CPNE5: variants seen among roughly 807,000 people sequenced by gnomAD.
The protein encoded by CPNE5 is copine-5.
A neutral mutation model predicts 81.1 loss-of-function variants in CPNE5; 42 were observed. The ratio of observed to expected loss-of-function variants is 0.52; its 90% confidence interval spans 0.40 to 0.67. The LOEUF is 0.67. CPNE5 is among the 30% of genes least tolerant of loss of function. The pLI is 0.00. For synonymous variants in CPNE5, 313 were observed against 321.5 expected, an observed-to-expected ratio of 0.97 and a Z score of 0.28; for missense variants, 612 against 815.5, an observed-to-expected ratio of 0.75 and a Z score of 3.04.
chr6:36,772,663 C>A (rs1194584762), intron 10 of CPNE5, among the ~76,000 whole-genome samples: 1 of 152,158 alleles, frequency 6.6e-6, no homozygotes, highest in African/African-American at 2.4e-5. Context: ...GCTCTTCTGT[C>A]CCAGCCAAGA....
Position 36,746,339 on chromosome 6 carries a change from C to T in CPNE5, c.1200+57G>A. 7.0e-7 allele frequency: 1 copy of T among 1,431,476 alleles called. No homozygotes were observed. The highest frequency in any genetic ancestry group is 9.3e-7 in the Non-Finnish European group (1 of 1,071,862). 88.7% of individuals were successfully genotyped at this position (1,431,476 alleles called of 1,614,324 possible). The stretch of plus-strand genomic sequence containing the variant: ...AAGGGAAACGTCCCCCCACCCCCAG[C>T]TTGTCACCTCACCCCCAGCCTGATC... On this transcript the variant is annotated intron_variant, in intron 16 of 20. Coordinates refer to ENST00000244751, the MANE Select transcript of CPNE5 (RefSeq NM_020939.2). This position sits in a 1 kb window ranked among gnomAD's most constrained non-coding sequence, Gnocchi z 4.5.
At chr6:36,822,311 G>T (rs763865712) in intron 2 of CPNE5, 151 bp from the exon 3 acceptor site, 11 of 520,348 alleles carry the variant, frequency 2.1e-5, no homozygotes, top group Middle Eastern at 6.8e-4. Flanking sequence ...GTGTCTCCTG[G>T]GGTGGCTGAG....
At chr6:36,743,262 A>C in intron 20 of CPNE5, 2 of 984,700 alleles carry the variant, frequency 2.0e-6, no homozygotes, top group Non-Finnish European at 2.4e-6. Flanking sequence ...CTTTCTGCTC[A>C]TTATATTTGC....
chr6:36,777,862 G>A (rs996364403), intron 9 of CPNE5, among the ~76,000 whole-genome samples: 3 of 148,926 alleles, frequency 2.0e-5, no homozygotes. Flanking sequence ...CACTTGCTTT[G>A]CCCAAACGTT....
Position 36,830,192 on chromosome 6 carries a change from C to T in CPNE5, c.96-7094G>A, listed in dbSNP as rs1478492871. ...AACTCTGAACTCTGAAGCTCAAGCT[C>T]ATTTAAAGGTGCCCTGGGGAGTGCT... On this transcript the variant is annotated intron_variant, in intron 1 of 20. Transcript: ENST00000244751. Among the ~76,000 whole-genome samples, 4 of 152,174 alleles carry T rather than the reference C, an allele frequency of 2.6e-5. No homozygotes were observed. In the East Asian group the frequency reaches 7.7e-4, roughly 29 times the overall value.
intron 18 of CPNE5, 149 bp from the exon 19 acceptor site, chr6:36,744,474 G>T: frequency 1.5e-6 from 1 of 669,238 alleles, no homozygotes. Flanking sequence ...AGAAAAGGGG[G>T]TAGGGAGAGG....
At chr6:36,798,554 G>T in intron 4 of CPNE5, 60 bp from the exon 5 acceptor site, 1 of 1,538,828 alleles carries the variant, frequency 6.5e-7, no homozygotes, top group Non-Finnish European at 9.0e-7. Flanking sequence ...AATCCTGCCT[G>T]GGTTCTCAAG....
chr6:36,745,315 A>G, intron 17 of CPNE5, 73 bp downstream of exon 17: 3 of 1,534,336 alleles, frequency 2.0e-6, no homozygotes, highest in Non-Finnish European at 2.6e-6. Flanking sequence ...ACCCCCTCCC[A>G]CCACCCAGAG....
intron 13 of CPNE5, among the ~76,000 whole-genome samples, chr6:36,754,064 A>C (rs900356235): frequency 4.6e-5 from 7 of 150,772 alleles, no homozygotes; most frequent in Non-Finnish European, 8.9e-5. Flanking sequence ...CCTCCTTCCA[A>C]GTGTGGCAGC....
intron 10 of CPNE5, 61 bp from the exon 11 acceptor site, chr6:36,765,437 G>A (rs2150420980): frequency 6.2e-7 from 1 of 1,601,586 alleles, no homozygotes; most frequent in Non-Finnish European, 8.6e-7. Context: ...GCTGAGGATG[G>A]GGCCCTCTTC....
chr6:36,772,507 T>C (rs990568440), intron 10 of CPNE5, among the ~76,000 whole-genome samples: 1 of 152,200 alleles, frequency 6.6e-6, no homozygotes, highest in Non-Finnish European at 1.5e-5. Context: ...CTGTCTAAAA[T>C]ACATGTGCAC....
At chr6:36,802,822 G>C (rs1223812024) in intron 3 of CPNE5, among the ~76,000 whole-genome samples, 1 of 152,122 alleles carries the variant, frequency 6.6e-6, no homozygotes, top group Non-Finnish European at 1.5e-5. Context: ...GGCTGAGGCG[G>C]GCGGATCACT....
intron 3 of CPNE5, among the ~76,000 whole-genome samples, chr6:36,816,972 C>A (rs760206258): frequency 1.3e-5 from 2 of 152,182 alleles, no homozygotes; most frequent in African/African-American, 4.8e-5. Flanking sequence ...AGGGACGGGT[C>A]TTGCCAAGTC....
chr6:36,748,876 CAG>C (rs2150368078), intron 14 of CPNE5, among the ~76,000 whole-genome samples: 1 of 152,264 alleles, frequency 6.6e-6, no homozygotes, highest in South Asian at 2.1e-4. Flanking sequence ...GAAGCACTAC[CAG>C]AGACAGCAGC....
intron 3 of CPNE5, among the ~76,000 whole-genome samples, chr6:36,813,773 C>A (rs1771304362): frequency 6.6e-6 from 1 of 152,174 alleles, no homozygotes. Context: ...CCTGCAACAC[C>A]CTGCCCCCCA....
At chr6:36,830,963 CT>C (rs1384858086) in intron 1 of CPNE5, among the ~76,000 whole-genome samples, 1 of 152,228 alleles carries the variant, frequency 6.6e-6, no homozygotes, top group Non-Finnish European at 1.5e-5. Flanking sequence ...CAGTAGTCTT[CT>C]GCCTAGCAAT....
At chr6:36,794,550 T>G in intron 7 of CPNE5, 40 bp downstream of exon 7, 1 of 1,594,334 alleles carries the variant, frequency 6.3e-7, no homozygotes, top group Non-Finnish European at 8.6e-7. Flanking sequence ...GCTGGCTGAA[T>G]GTCTAAGGAC....
intron 8 of CPNE5, among the ~76,000 whole-genome samples, chr6:36,788,232 G>T (rs367553698): frequency 3.9e-5 from 6 of 151,906 alleles, no homozygotes; most frequent in South Asian, 4.2e-4. Context: ...TGGTCGGGGG[G>T]GGGTCTCACT....
intron 14 of CPNE5, chr6:36,752,535 C>T (rs116348213): frequency 0.011 from 1,648 of 152,778 alleles, 40 homozygotes; most frequent in Non-Finnish European, 9.2e-3. Flanking sequence ...CCAGACAGAT[C>T]AGAGGTGTCA....
Sources: gnomAD v4.1 joint callset for allele counts (sites outside exome capture counted in the v4.1 genomes callset) on GRCh38, gnomAD v4.1.1 for gene constraint, Gnocchi (gnomAD v3.1) non-coding constraint, MANE v1.5 for transcripts, NCBI Gene and HGNC (gene_info 2026-07-23, HGNC 2026-07-21) for gene names.